VPS13D: variants seen among roughly 807,000 people sequenced by gnomAD.
The protein encoded by VPS13D is intermembrane lipid transfer protein VPS13D.
Under a neutral mutation model 461.9 loss-of-function variants are expected in VPS13D, and 187 were observed. The observed-to-expected ratio is 0.40, with a 90% CI of 0.36 to 0.46. The LOEUF (loss-of-function observed/expected upper bound fraction) is 0.46, where lower values mean the gene tolerates loss of function less well. Among genes scored for constraint, VPS13D ranks in the 20% least tolerant of loss-of-function variants. The probability of loss-of-function intolerance (pLI) is 0.60; values close to 1 mark genes in which losing one functional copy is unlikely to be tolerated. For missense variants in VPS13D, 4,711 were observed against 5,364.9 expected (o/e 0.88, Z 3.81); for synonymous variants, 1,951 against 1,986.3 (o/e 0.98, Z 0.47).
intron 65 of VPS13D, among the ~76,000 whole-genome samples, chr1:12,426,967 T>C (rs1644931262): frequency 6.6e-6 from 1 of 152,070 alleles, no homozygotes; most frequent in Admixed American, 6.5e-5. Context: ...TGAGCCAAGA[T>C]CATGCCATTG....
At chr1:12,356,731 A>G (rs1284450475) in intron 49 of VPS13D, among the ~76,000 whole-genome samples, 1 of 152,244 alleles carries the variant, frequency 6.6e-6, no homozygotes, top group Non-Finnish European at 1.5e-5. Context: ...TGGTTGGTTT[A>G]TAATGAAAGC....
intron 60 of VPS13D, 78 bp downstream of exon 60, chr1:12,386,412 T>C: frequency 7.0e-7 from 1 of 1,434,822 alleles, no homozygotes; most frequent in Non-Finnish European, 9.3e-7. Context: ...TTTGATGTTC[T>C]AAGAACTTTA....
At chr1:12,412,718 A>G (rs1304582207) in intron 63 of VPS13D, among the ~76,000 whole-genome samples, 1 of 152,232 alleles carries the variant, frequency 6.6e-6, no homozygotes, top group Non-Finnish European at 1.5e-5. Context: ...ACGTGGGAAT[A>G]TCTTTATGAC....
At chr1:12,458,430 C>T (rs1645358272) in intron 66 of VPS13D, among the ~76,000 whole-genome samples, 1 of 152,088 alleles carries the variant, frequency 6.6e-6, no homozygotes, top group South Asian at 2.1e-4. Flanking sequence ...GGGCTGGGTG[C>T]AGTGGCTCAG....
At chr1:12,414,959 T>C in intron 63 of VPS13D, 128 bp from the exon 64 acceptor site, 1 of 1,085,454 alleles carries the variant, frequency 9.2e-7, no homozygotes, top group Non-Finnish European at 1.3e-6. Context: ...TCCTTATTTA[T>C]AAACATCAAA....
intron 22 of VPS13D, among the ~76,000 whole-genome samples, chr1:12,289,453 A>G (rs970741489): frequency 1.3e-5 from 2 of 152,132 alleles, no homozygotes; most frequent in African/African-American, 4.8e-5. Flanking sequence ...TACAAAGCTC[A>G]TGTTGATGCT....
chr1:12,243,509 G>A (rs1285487795), intron 3 of VPS13D, among the ~76,000 whole-genome samples: 7 of 152,192 alleles, frequency 4.6e-5, no homozygotes, highest in Admixed American at 1.3e-4. Flanking sequence ...TACCATTGTT[G>A]GACTGGACTT....
chr1:12,508,353 TG>T (rs939127683), intron 69 of VPS13D, among the ~76,000 whole-genome samples: 3 of 151,938 alleles, frequency 2.0e-5, no homozygotes, highest in Non-Finnish European at 2.9e-5. Context: ...GTTATGGCCG[TG>T]GGGGGGAGTT....
intron 46 of VPS13D, among the ~76,000 whole-genome samples, chr1:12,352,548 TAAA>T (rs1048050711): frequency 1.3e-5 from 2 of 151,818 alleles, no homozygotes; most frequent in African/African-American, 4.8e-5. Flanking sequence ...ATGGCTGAAA[TAAA>T]AAAAGAATGA....
At chr1:12,282,589 A>C (rs972914091) in intron 20 of VPS13D, 116 bp from the exon 21 acceptor site, 2 of 992,104 alleles carry the variant, frequency 2.0e-6, no homozygotes, top group Admixed American at 2.3e-5. Flanking sequence ...AGTCTTTGCT[A>C]TCAGGTAACT....
At position 12,291,074 on chromosome 1, in the gene VPS13D, A is replaced by G; in HGVS notation, c.5802A>G (p.Arg1934=). Residue 1934 remains arginine (R), a synonymous_variant, in exon 23 of 70, where the codon AGA becomes AGG. Coordinates refer to ENST00000620676, the MANE Select transcript of VPS13D (RefSeq NM_015378.4). ...SDLTCHGEFY[R]ERFTTSGEEA... ...TCACATGCCATGGAGAGTTCTACAG[A>G]GAACGGTTCACTACCAGTGGTGAAG... 1 of 1,614,074 alleles carries G rather than the reference A, an allele frequency of 6.2e-7. No individual in the cohort carries two copies. The highest frequency in any genetic ancestry group is 8.5e-7 in the Non-Finnish European group (1 of 1,179,996).
chr1:12,483,526 C>A (rs953119634), intron 67 of VPS13D, among the ~76,000 whole-genome samples: 1 of 151,988 alleles, frequency 6.6e-6, no homozygotes, highest in Non-Finnish European at 1.5e-5. Context: ...TCTAACCCTT[C>A]CAACAGTTGT....
At chr1:12,313,064 T>A (rs142675690) in intron 29 of VPS13D, among the ~76,000 whole-genome samples, 59 of 152,304 alleles carry the variant, frequency 3.9e-4, no homozygotes, top group African/African-American at 1.3e-3. Context: ...CGTACATCAC[T>A]CTTTTCCAGA....
At chr1:12,369,882 G>T (rs1330459025) in intron 54 of VPS13D, among the ~76,000 whole-genome samples, 180 bp downstream of exon 54, 1 of 152,116 alleles carries the variant, frequency 6.6e-6, no homozygotes, top group Non-Finnish European at 1.5e-5. Context: ...TTGACTTTTG[G>T]CTAGATTAAA....
intron 2 of VPS13D, among the ~76,000 whole-genome samples, chr1:12,235,460 C>A (rs1269129385): frequency 6.6e-6 from 1 of 152,038 alleles, no homozygotes; most frequent in Non-Finnish European, 1.5e-5. Flanking sequence ...CCTGTAATCC[C>A]ACTACTCGGG....
At chr1:12,470,132 T>C (rs1645543321) in intron 67 of VPS13D, among the ~76,000 whole-genome samples, 1 of 152,130 alleles carries the variant, frequency 6.6e-6, no homozygotes, top group South Asian at 2.1e-4. Flanking sequence ...ACATCGATAA[T>C]GGCAGGGGTG....
At chr1:12,447,528 T>C (rs571216071) in intron 65 of VPS13D, among the ~76,000 whole-genome samples, 95 of 152,322 alleles carry the variant, frequency 6.2e-4, no homozygotes, top group African/African-American at 2.1e-3. Context: ...AGTTTGCCCT[T>C]ACCTACTCTG....
Position 12,308,522 on chromosome 1 carries a change from G to C in VPS13D, c.6531G>C (p.Lys2177Asn), listed in dbSNP as rs368008383. 1 of 1,614,008 alleles carries C rather than the reference G, an allele frequency of 6.2e-7. No individual in the cohort carries two copies. The highest frequency in any genetic ancestry group is 1.3e-5 in the African/African-American group (1 of 74,894). ...AGAGACATCCGAGAGAATACTCGAA[G>C]GCACCAGAGGATAGTAGTGGAGATC... is the stretch of plus-strand genomic sequence containing the variant. ...AAERHPREYSKAPEDSSGDLI... is the reference protein window; with the variant it reads ...AAERHPREYSNAPEDSSGDLI... Residue 2177 changes from lysine to asparagine, a missense_variant, in exon 27 of 70, where the codon AAG (lysine) becomes AAC (asparagine). By Grantham distance (94) the Lys-to-Asn change is moderately conservative. Around this residue, in one of 3 missense-constraint regions of VPS13D, gnomAD observed 4,411 missense variants for 4,937.8 expected, o/e 0.89. Coordinates refer to ENST00000620676, the MANE Select transcript of VPS13D (RefSeq NM_015378.4).
chr1:12,368,616 TTTGAC>T lies in VPS13D; in HGVS notation c.10572+27_10572+31del, dbSNP rs770865331. On this transcript the variant is annotated intron_variant, in intron 53 of 69. Coordinates refer to ENST00000620676, the MANE Select transcript of VPS13D (RefSeq NM_015378.4). ...GGTATCAAGTGGAGCTGAGAGCCAGTTTGACTGTTTCATGTGTGGGAGGGTGGAGT... is the reference window on the plus strand; with the variant it reads ...GGTATCAAGTGGAGCTGAGAGCCAGTTGTTTCATGTGTGGGAGGGTGGAGT... 1.1e-5 allele frequency: 17 copies of T among 1,604,602 alleles called. No individual in the cohort carries two copies. In the Admixed American group the frequency reaches 2.9e-4, roughly 27 times the overall value.
Sources: gnomAD v4.1 joint callset for allele counts (sites outside exome capture counted in the v4.1 genomes callset) on GRCh38, gnomAD v4.1.1 for gene constraint, gnomAD v4.1.1 regional missense constraint, MANE v1.5 for transcripts, NCBI Gene and HGNC (gene_info 2026-07-23, HGNC 2026-07-21) for gene names.